The following NXPH1 variants were observed in gnomAD, a reference collection of about 807,000 sequenced individuals.
The protein encoded by NXPH1 is neurexophilin-1.
In NXPH1, 5 loss-of-function variants were observed where a neutral mutation model predicts 23.7. The ratio of observed to expected loss-of-function variants is 0.21; its 90% confidence interval spans 0.11 to 0.44. NXPH1 has a LOEUF of 0.44. Among genes scored for constraint, NXPH1 ranks in the 20% least tolerant of loss-of-function variants. The pLI, the probability that NXPH1 is intolerant of heterozygous loss-of-function variation, is 0.99. For missense variants in NXPH1, 324 were observed against 321.6 expected, an observed-to-expected ratio of 1.01 and a Z score of -0.06; for synonymous variants, 144 against 122.2, an observed-to-expected ratio of 1.18 and a Z score of -1.18.
intron 2 of NXPH1, among the ~76,000 whole-genome samples, chr7:8,630,935 C>G (rs1330415741): frequency 6.6e-6 from 1 of 152,128 alleles, no homozygotes; most frequent in Non-Finnish European, 1.5e-5. Context: ...TCACCCTCCA[C>G]CCTCTGAAAG....
At chr7:8,741,645 A>T (rs1780364486) in intron 2 of NXPH1, among the ~76,000 whole-genome samples, 1 of 152,112 alleles carries the variant, frequency 6.6e-6, no homozygotes, top group Non-Finnish European at 1.5e-5. Flanking sequence ...TACAGGAAGG[A>T]ATGTATTTTT....
chr7:8,653,875 T>C (rs185775176), intron 2 of NXPH1, among the ~76,000 whole-genome samples: 1 of 152,240 alleles, frequency 6.6e-6, no homozygotes, highest in Non-Finnish European at 1.5e-5. Flanking sequence ...GACTATTTTC[T>C]CCTCTACATA....
intron 2 of NXPH1, among the ~76,000 whole-genome samples, chr7:8,649,337 A>G (rs1284818993): frequency 6.6e-6 from 1 of 151,846 alleles, no homozygotes; most frequent in African/African-American, 2.4e-5. Context: ...TTTGTATTCA[A>G]TGTTTATTTT....
chr7:8,734,247 A>C (rs2115220336), intron 2 of NXPH1, among the ~76,000 whole-genome samples: 1 of 152,274 alleles, frequency 6.6e-6, no homozygotes, highest in East Asian at 1.9e-4. Flanking sequence ...CTGTTTTGGT[A>C]CCACTACCAT....
At chr7:8,482,665 T>C (rs1817094190) in intron 2 of NXPH1, among the ~76,000 whole-genome samples, 1 of 152,212 alleles carries the variant, frequency 6.6e-6, no homozygotes. Context: ...ATGCTCATGG[T>C]CATTGACTTC....
At chr7:8,524,332 A>G (rs893018897) in intron 2 of NXPH1, among the ~76,000 whole-genome samples, 2 of 151,806 alleles carry the variant, frequency 1.3e-5, no homozygotes, top group African/African-American at 2.4e-5. Context: ...ATCTTGGTCA[A>G]TATATATCCT....
chr7:8,487,090 AC>A (rs546389372), intron 2 of NXPH1, among the ~76,000 whole-genome samples: 62 of 152,268 alleles, frequency 4.1e-4, no homozygotes, highest in African/African-American at 1.4e-3. Context: ...GTTTCTCAGT[AC>A]ATATTTTTGA....
chr7:8,444,435 C>A, intron 2 of NXPH1, among the ~76,000 whole-genome samples: 1 of 152,188 alleles, frequency 6.6e-6, no homozygotes, highest in East Asian at 1.9e-4. Context: ...ATAGGCCCCG[C>A]CTCCACCCAC....
chr7:8,485,048 G>A (rs1817135475), intron 2 of NXPH1, among the ~76,000 whole-genome samples: 2 of 152,136 alleles, frequency 1.3e-5, no homozygotes, highest in African/African-American at 2.4e-5. Context: ...CAGCCACAGG[G>A]AACAAAATGG....
Position 8,710,640 on chromosome 7 carries a change from G to GGTTTTTT in NXPH1, c.55-40368_55-40367insGTTTTTT. Among the ~76,000 whole-genome samples the GGTTTTTT allele has an allele frequency of 6.1e-4, 17 of 27,680 alleles. 4 individuals carry two copies. The highest frequency in any genetic ancestry group is 2.1e-3 in the African/African-American group (13 of 6,242). 18.2% of individuals were successfully genotyped at this position (27,680 alleles called of 152,430 possible). A position where few individuals can be genotyped will look rare whatever the true frequency, so the allele number is the denominator to read the frequency against. ...TTGAACAAAGCATGTCAACTGTTAC[G>GGTTTTTT]TTTTTTGTTTTTTTTTTTTTTTTTT... On this transcript the variant is annotated intron_variant, in intron 2 of 2. Transcript: ENST00000405863.
At chr7:8,521,656 C>T (rs555012227) in intron 2 of NXPH1, among the ~76,000 whole-genome samples, 113 of 152,178 alleles carry the variant, frequency 7.4e-4, no homozygotes, top group Non-Finnish European at 1.1e-3. Context: ...TGAAGGGGTT[C>T]GCAATTGAGA....
In NXPH1 at chr7:8,482,003, C is replaced by G. The variant is rs79837135; in HGVS notation, c.54+46236C>G. Among the ~76,000 whole-genome samples, 1,085 of 152,234 alleles carry G rather than the reference C, an allele frequency of 7.1e-3. 13 individuals are homozygous for G. The highest frequency in any genetic ancestry group is 0.025 in the African/African-American group (1,046 of 41,526). On this transcript the variant is annotated intron_variant, in intron 2 of 2. Transcript: ENST00000405863. ...ACCTGACGCACATGCAGCCTTGTTGCCTTTTTATGGAGCTTCCTCTAAGAC... is the reference window on the plus strand; with the variant it reads ...ACCTGACGCACATGCAGCCTTGTTGGCTTTTTATGGAGCTTCCTCTAAGAC...
At chr7:8,561,383 C>CACACACACACACACACACCT (rs1554256950) in intron 2 of NXPH1, among the ~76,000 whole-genome samples, 1 of 147,116 alleles carries the variant, frequency 6.8e-6, no homozygotes, top group African/African-American at 2.5e-5. Flanking sequence ...CACACACACA[C>CACACACACACACACACACCT]CTCTCTCTCT....
At chr7:8,577,356 C>T (rs559042861) in intron 2 of NXPH1, among the ~76,000 whole-genome samples, 2 of 152,254 alleles carry the variant, frequency 1.3e-5, no homozygotes, top group South Asian at 4.1e-4. Flanking sequence ...GTGTCTTCTC[C>T]CACTATCACT....
At chr7:8,521,513 C>T (rs960763231) in intron 2 of NXPH1, among the ~76,000 whole-genome samples, 7 of 152,086 alleles carry the variant, frequency 4.6e-5, no homozygotes, top group African/African-American at 1.7e-4. Context: ...CTTTCCCCAC[C>T]ATGGTATCCT....
chr7:8,548,333 C>T (rs1488890258), intron 2 of NXPH1, among the ~76,000 whole-genome samples: 3 of 151,664 alleles, frequency 2.0e-5, no homozygotes, highest in Non-Finnish European at 1.5e-5. Flanking sequence ...AGAGACCAAT[C>T]TGCATGGCGA....
chr7:8,696,252 A>G (rs1045645139), intron 2 of NXPH1, among the ~76,000 whole-genome samples: 3 of 152,218 alleles, frequency 2.0e-5, no homozygotes, highest in African/African-American at 2.4e-5. Flanking sequence ...AGGAAATCCT[A>G]TTAGAAAAAG....
At chr7:8,716,671 A>G (rs1174916248) in intron 2 of NXPH1, among the ~76,000 whole-genome samples, 1 of 152,102 alleles carries the variant, frequency 6.6e-6, no homozygotes, top group Non-Finnish European at 1.5e-5. Context: ...TTAAAAGGGT[A>G]TTACTGGGAT....
intron 2 of NXPH1, among the ~76,000 whole-genome samples, chr7:8,514,129 T>G (rs1246947920): frequency 6.6e-6 from 1 of 152,144 alleles, no homozygotes; most frequent in African/African-American, 2.4e-5. Flanking sequence ...AGACTCTGTT[T>G]CCAAATAAAG....
Sources: gnomAD v4.1 joint callset for allele counts (sites outside exome capture counted in the v4.1 genomes callset) on GRCh38, gnomAD v4.1.1 for gene constraint, MANE v1.5 for transcripts, NCBI Gene and HGNC (gene_info 2026-07-23, HGNC 2026-07-21) for gene names.